CMC1: variants seen among roughly 807,000 people sequenced by gnomAD.
CMC1 encodes the protein COX assembly mitochondrial protein homolog.
Under a neutral mutation model 14.1 loss-of-function variants are expected in CMC1, and 14 were observed. That is an observed-to-expected ratio of 0.99 (90% CI 0.66 to 1.55). The LOEUF (loss-of-function observed/expected upper bound fraction) is 1.55. CMC1 is among the 40% of genes most tolerant of loss of function. CMC1 has a pLI of 0.00. For missense variants in CMC1, 127 were observed against 123.8 expected (o/e 1.03, Z -0.12); for synonymous variants, 50 against 38.4 (o/e 1.30, Z -1.12).
At chr3:28,266,603 A>C (rs922075861) in intron 2 of CMC1, among the ~76,000 whole-genome samples, 1 of 151,872 alleles carries the variant, frequency 6.6e-6, no homozygotes, top group Non-Finnish European at 1.5e-5. Flanking sequence ...TTGGCCTCCC[A>C]AAGTGCTGGG....
intron 1 of CMC1, among the ~76,000 whole-genome samples, chr3:28,255,512 C>G (rs1699352616): frequency 6.6e-6 from 1 of 151,970 alleles, no homozygotes; most frequent in African/African-American, 2.4e-5. Context: ...TCCCAAAGTG[C>G]TGGGATTACA....
intron 1 of CMC1, among the ~76,000 whole-genome samples, chr3:28,258,369 C>G (rs1699534235): frequency 6.6e-6 from 1 of 151,448 alleles, no homozygotes; most frequent in Non-Finnish European, 1.5e-5. Context: ...GAGAAACTGT[C>G]TACTCCAAGG....
intron 2 of CMC1, among the ~76,000 whole-genome samples, chr3:28,299,835 CTG>C (rs759964987): frequency 3.3e-5 from 5 of 152,012 alleles, no homozygotes; most frequent in Non-Finnish European, 5.9e-5. Context: ...AAAATAGAGT[CTG>C]TAACATTATA....
chr3:28,279,196 C>T (rs1048612230), intron 2 of CMC1, among the ~76,000 whole-genome samples: 5 of 152,088 alleles, frequency 3.3e-5, no homozygotes, highest in African/African-American at 1.2e-4. Flanking sequence ...GGGTGAGTCC[C>T]CTGCCAGGTA....
intron 3 of CMC1, chr3:28,319,043 C>T (rs1703074778): frequency 8.8e-6 from 3 of 342,476 alleles, no homozygotes; most frequent in South Asian, 4.5e-5. Context: ...ATCTACTTGG[C>T]AGGTTTTCCT....
chr3:28,256,075 G>A (rs758240424), intron 1 of CMC1, among the ~76,000 whole-genome samples: 8 of 151,918 alleles, frequency 5.3e-5, no homozygotes, highest in South Asian at 2.1e-4. Context: ...ACACCAAAAC[G>A]CAAGCCCTGA....
rs1299844753 is a variant in CMC1, at chr3:28,316,268, TTGTG to T, written c.110-58_110-55del. ...TTTTTTTTTTCTAAAAAGAAGAAAA[TTGTG>T]TGTGTGGGTATTTATATAGATATAA... On this transcript the variant is annotated intron_variant, in intron 2 of 3. Transcript: ENST00000466830. The T allele has an allele frequency of 3.2e-5, 24 of 758,368 alleles. No homozygotes were observed. In the Middle Eastern group the frequency reaches 1.6e-3, roughly 50 times the overall value. The allele number at this position is 758,368 out of a possible 1,614,324, so 47.0% of individuals were successfully genotyped here. A position where few individuals can be genotyped will look rare whatever the true frequency, so the allele number is the denominator to read the frequency against.
intron 2 of CMC1, among the ~76,000 whole-genome samples, chr3:28,298,869 G>A (rs1701882983): frequency 6.6e-6 from 1 of 151,912 alleles, no homozygotes. Context: ...AAATAATTTG[G>A]TTGTTTTTAA....
At chr3:28,294,602 T>G (rs2125558293) in intron 2 of CMC1, 1 of 245,528 alleles carries the variant, frequency 4.1e-6, no homozygotes, top group South Asian at 1.5e-4. Context: ...GTTAAAAAGC[T>G]AATGGAAACT....
At chr3:28,278,273 AATTAT>A (rs1385204089) in intron 2 of CMC1, among the ~76,000 whole-genome samples, 3 of 152,284 alleles carry the variant, frequency 2.0e-5, no homozygotes, top group African/African-American at 7.2e-5. Context: ...TGTGTGGAGA[AATTAT>A]ATTATTTTAT....
At position 28,324,037 on chromosome 3, in the gene CMC1, C is replaced by T. The variant is rs1169747495; in HGVS notation, c.*4408C>T. 4 of 1,596,930 alleles carry T rather than the reference C, an allele frequency of 2.5e-6. No individual in the cohort carries two copies. The African/African-American group carries it at 4.0e-5, about 16-fold the overall frequency. ...CTCATGGTGAAATCGTGAATCTCTTCCAAATTAATTCTTATAAAGGCAGTT... is the reference window on the plus strand; with the variant it reads ...CTCATGGTGAAATCGTGAATCTCTTTCAAATTAATTCTTATAAAGGCAGTT... On this transcript the variant is annotated 3_prime_UTR_variant, in exon 4 of 4. Transcript: ENST00000466830.
At chr3:28,274,212 G>GTTTTTTTTGTTTTTTTTT (rs376321066) in intron 2 of CMC1, among the ~76,000 whole-genome samples, 1 of 88,196 alleles carries the variant, frequency 1.1e-5, no homozygotes. Context: ...AAGTGTTTTT[G>GTTTTTTTTGTTTTTTTTT]TTTTTTTCTT....
chr3:28,299,849 T>C (rs567564912), intron 2 of CMC1, among the ~76,000 whole-genome samples: 1 of 152,292 alleles, frequency 6.6e-6, no homozygotes, highest in African/African-American at 2.4e-5. Context: ...AACATTATAG[T>C]GGTCTGAAAT....
At chr3:28,259,460 T>C (rs1699613412) in intron 1 of CMC1, among the ~76,000 whole-genome samples, 1 of 152,056 alleles carries the variant, frequency 6.6e-6, no homozygotes, top group South Asian at 2.1e-4. Flanking sequence ...TTAAAAAAGG[T>C]TGGGACAGGC....
chr3:28,248,589 G>A (rs1448239704), intron 1 of CMC1, among the ~76,000 whole-genome samples: 1 of 152,180 alleles, frequency 6.6e-6, no homozygotes, highest in African/African-American at 2.4e-5. Flanking sequence ...ATTCAAGTTT[G>A]TGTCTTGTTG....
At chr3:28,300,894 C>A (rs1702008421) in intron 2 of CMC1, among the ~76,000 whole-genome samples, 1 of 151,208 alleles carries the variant, frequency 6.6e-6, no homozygotes, top group African/African-American at 2.4e-5. Context: ...TCTTTCATAG[C>A]CATTATGTAC....
intron 2 of CMC1, among the ~76,000 whole-genome samples, chr3:28,272,618 T>C (rs1031147002): frequency 2.4e-4 from 36 of 152,180 alleles, no homozygotes; most frequent in African/African-American, 8.0e-4. Context: ...TGGATTTGGT[T>C]TGCCAGTATT....
chr3:28,324,270 T>G lies in CMC1; in HGVS notation c.*4641T>G, dbSNP rs567300601. The G allele has an allele frequency of 7.5e-6, 12 of 1,609,260 alleles. No homozygotes were observed. Among genetic ancestry groups the G allele is most frequent in the Non-Finnish European group, 1.0e-5 (12 of 1,176,736 alleles). On this transcript the variant is annotated 3_prime_UTR_variant, in exon 4 of 4. Transcript: ENST00000466830. ...TGGATCTCTCATTGTCTGTCCATGA[T>G]TGGAGGATTGCTTTCTCTGATAAAA...
chr3:28,319,910 T>G lies in CMC1; in HGVS notation c.*281T>G, dbSNP rs190681756. 254 of 207,552 alleles carry G rather than the reference T, an allele frequency of 1.2e-3. 2 individuals carry two copies. The highest frequency in any genetic ancestry group is 5.7e-3 in the African/African-American group (247 of 43,062). 12.9% of individuals were successfully genotyped at this position (207,552 alleles called of 1,614,324 possible). A position where few individuals can be genotyped will look rare whatever the true frequency, so the allele number is the denominator to read the frequency against. On this transcript the variant is annotated 3_prime_UTR_variant, in exon 4 of 4. Transcript: ENST00000466830. The stretch of plus-strand genomic sequence containing the variant: ...ACTGATTTTTTAGAGTTCAATATGG[T>G]CCTTATATTATTTTTTTCCAGTGTA...
Sources: allele counts gnomAD v4.1 joint callset (sites outside exome capture counted in the v4.1 genomes callset), GRCh38; gene constraint gnomAD v4.1.1; transcripts MANE v1.5; gene names NCBI Gene and HGNC (gene_info 2026-07-23, HGNC 2026-07-21).